The following GPR174 variants were observed in gnomAD, a reference collection of about 807,000 sequenced individuals.
The protein encoded by GPR174 is probable G protein-coupled receptor 174.
In GPR174, 8 loss-of-function variants were observed where a neutral mutation model predicts 16.5. The observed-to-expected ratio is 0.48, with a 90% CI of 0.28 to 0.87. The LOEUF is 0.87. Ranked by LOEUF, GPR174 falls within the 40% of genes least tolerant of loss-of-function variation. GPR174 has a pLI of 0.09. For missense variants in GPR174, 214 were observed against 247.5 expected (o/e 0.86, Z 0.91); for synonymous variants, 111 against 94.8 (o/e 1.17, Z -0.99).
At chrX:79,150,975 A>T (rs1926589972) in intron 1 of GPR174, among the ~76,000 whole-genome samples, 1 of 111,472 alleles carries the variant, frequency 9.0e-6, no homozygotes, top group East Asian at 2.8e-4. Context: ...CCATGAACTA[A>T]GGGTCAGCAT....
chrX:79,163,294 T>C (rs1239510642), intron 2 of GPR174, among the ~76,000 whole-genome samples: 1 of 111,892 alleles, frequency 8.9e-6, no homozygotes, highest in Non-Finnish European at 1.9e-5. Context: ...AAAGAGAAAA[T>C]ATGAATTTGT....
rs1162153982 is a variant in GPR174 at position 79,145,917 on chromosome X, T to G, written c.-654+700T>G. Among the ~76,000 whole-genome samples the G allele has an allele frequency of 3.6e-5, 4 of 111,790 alleles. No individual in the cohort carries two copies. The East Asian group carries it at 1.1e-3, about 31-fold the overall frequency. On this transcript the variant is annotated intron_variant, in intron 1 of 2. Coordinates refer to ENST00000645147, the MANE Select transcript of GPR174 (RefSeq NM_032553.3). ...TTTCATAGATAAGCTCTATTTACGA[T>G]AGTAAGTAATCAGCACATTAAAAAA...
At position 79,175,286 on chromosome X, in the gene GPR174, A is replaced by T. The variant is rs1053816305; in HGVS notation, c.*3277A>T. 3 of 112,200 alleles carry T rather than the reference A, an allele frequency of 2.7e-5. No individual in the cohort carries two copies. Among genetic ancestry groups the T allele is most frequent in the African/African-American group, 9.7e-5 (3 of 30,858 alleles). The allele number at this position is 112,200 out of a possible 1,213,427, so 9.2% of individuals were successfully genotyped here. ...GCTATAACTTATAATATTCATTTTA[A>T]TAATAAAGATTGTCTTTGTAATTAC... On this transcript the variant is annotated 3_prime_UTR_variant, in exon 3 of 3. Coordinates refer to ENST00000645147, the MANE Select transcript of GPR174 (RefSeq NM_032553.3).
At chrX:79,147,168 A>C (rs1926516770) in intron 1 of GPR174, among the ~76,000 whole-genome samples, 2 of 111,359 alleles carry the variant, frequency 1.8e-5, no homozygotes, top group South Asian at 7.5e-4. Context: ...CACATTGTGC[A>C]GTTGGAAAAA....
Position 79,173,211 on chromosome X carries a change from C to A in GPR174, c.*1202C>A, listed in dbSNP as rs763292799. The A allele has an allele frequency of 9.0e-6, 1 of 110,896 alleles. No homozygotes were observed. The highest frequency in any genetic ancestry group is 1.9e-5 in the Non-Finnish European group (1 of 52,967). 9.1% of individuals were successfully genotyped at this position (110,896 alleles called of 1,213,427 possible). On this transcript the variant is annotated 3_prime_UTR_variant, in exon 3 of 3. Coordinates refer to ENST00000645147, the MANE Select transcript of GPR174 (RefSeq NM_032553.3). The stretch of plus-strand genomic sequence containing the variant: ...TGGTCTAGCTTTGCCCCAGACATAC[C>A]ATTCTAAAGCCTACAAAGCCTAGCT...
At chrX:79,160,760 A>G (rs1189116017) in intron 2 of GPR174, among the ~76,000 whole-genome samples, 1 of 111,975 alleles carries the variant, frequency 8.9e-6, no homozygotes, top group Non-Finnish European at 1.9e-5. Context: ...ATTACGGAGA[A>G]GGTCAGACAA....
Position 79,174,117 on chromosome X carries a change from T to G in GPR174, c.*2108T>G, listed in dbSNP as rs1346280378. 1 of 110,518 alleles carries G rather than the reference T, an allele frequency of 9.0e-6. No individual in the cohort carries two copies. The highest frequency in any genetic ancestry group is 1.9e-5 in the Non-Finnish European group (1 of 52,899). 9.1% of individuals were successfully genotyped at this position (110,518 alleles called of 1,213,427 possible). A position where few individuals can be genotyped will look rare whatever the true frequency, so the allele number is the denominator to read the frequency against. ...TTCTTAAAGAGGAAGGGAAATATTT[T>G]CAGGAGATGTTTGACCTTCTTAGAT... On this transcript the variant is annotated 3_prime_UTR_variant, in exon 3 of 3. Transcript: ENST00000645147.
intron 2 of GPR174, among the ~76,000 whole-genome samples, chrX:79,167,597 G>T (rs1230766978): frequency 9.0e-6 from 1 of 110,905 alleles, no homozygotes; most frequent in African/African-American, 3.3e-5. Context: ...AATATGGAAT[G>T]ATCACAAATT....
chrX:79,162,597 T>C (rs924878783), intron 2 of GPR174, among the ~76,000 whole-genome samples: 1 of 112,346 alleles, frequency 8.9e-6, no homozygotes, highest in Non-Finnish European at 1.9e-5. Context: ...ATAATGATTC[T>C]GTAAACATAC....
At chrX:79,165,042 A>G (rs1389851926) in intron 2 of GPR174, among the ~76,000 whole-genome samples, 3 of 111,434 alleles carry the variant, frequency 2.7e-5, no homozygotes, top group Non-Finnish European at 5.7e-5. Context: ...TGCGCTTTTT[A>G]GAGTAATTAC....
At chrX:79,145,345 A>C (rs1429659221) in intron 1 of GPR174, 128 bp downstream of exon 1, 2 of 111,528 alleles carry the variant, frequency 1.8e-5, no homozygotes, top group Non-Finnish European at 3.8e-5. Context: ...GGATATAATG[A>C]ACTTGGACCA....
chrX:79,145,944 T>C (rs1926492284), intron 1 of GPR174, among the ~76,000 whole-genome samples: 1 of 111,797 alleles, frequency 8.9e-6, no homozygotes, highest in African/African-American at 3.2e-5. Flanking sequence ...ATTAAAAAAA[T>C]CAACAATGGT....
chrX:79,148,021 G>T (rs1477793154), intron 1 of GPR174, among the ~76,000 whole-genome samples: 1 of 111,953 alleles, frequency 8.9e-6, no homozygotes, highest in African/African-American at 3.3e-5. Context: ...CAAATAATCA[G>T]ATATGCAAGA....
chrX:79,166,117 C>G (rs1054058921), intron 2 of GPR174, among the ~76,000 whole-genome samples: 21 of 111,499 alleles, frequency 1.9e-4, no homozygotes, highest in Admixed American at 1.4e-3. Flanking sequence ...TAAAATGGAA[C>G]TTTGTAAAAT....
Position 79,171,631 on chromosome X carries a change from G to A in GPR174, c.624G>A (p.Thr208=), listed in dbSNP as rs769967194. ...LLIVLYCTWK[T]VLSLQDKYPM... is the part of the protein sequence containing the mutation. ...TTGTCCTATATTGTACCTGGAAGACGGTTTTATCACTGCAAGATAAATATC... is the reference window on the plus strand; with the variant it reads ...TTGTCCTATATTGTACCTGGAAGACAGTTTTATCACTGCAAGATAAATATC... The change falls in exon 3 of 3, where the codon ACG becomes ACA. Residue 208 remains threonine, a synonymous_variant. Coordinates refer to ENST00000645147, the MANE Select transcript of GPR174 (RefSeq NM_032553.3). 73 of 1,209,207 alleles carry A rather than the reference G, an allele frequency of 6.0e-5. No homozygotes were observed. Among genetic ancestry groups the A allele is most frequent in the East Asian group, 1.5e-4 (5 of 33,742 alleles).
At chrX:79,160,807 G>A (rs1269306850) in intron 2 of GPR174, among the ~76,000 whole-genome samples, 2 of 111,908 alleles carry the variant, frequency 1.8e-5, no homozygotes, top group Non-Finnish European at 3.8e-5. Context: ...AGTGAAGAGA[G>A]AAGGGAAGAA....
chrX:79,157,718 G>A (rs902268192), intron 2 of GPR174, among the ~76,000 whole-genome samples: 1 of 111,470 alleles, frequency 9.0e-6, no homozygotes, highest in African/African-American at 3.3e-5. Flanking sequence ...TTTGGAAGAT[G>A]CAGATTCAGA....
chrX:79,155,761 A>G (rs1259105571), intron 1 of GPR174, among the ~76,000 whole-genome samples: 2 of 112,233 alleles, frequency 1.8e-5, no homozygotes, highest in Non-Finnish European at 3.8e-5. Context: ...AGTCTCTTTC[A>G]AAGGATTCCT....
intron 1 of GPR174, among the ~76,000 whole-genome samples, chrX:79,145,914 C>T (rs756958830): frequency 9.0e-5 from 10 of 110,946 alleles, no homozygotes; most frequent in Admixed American, 2.9e-4. Context: ...GCTCTATTTA[C>T]GATAGTAAGT....
Sources: allele counts gnomAD v4.1 joint callset (sites outside exome capture counted in the v4.1 genomes callset), GRCh38; gene constraint gnomAD v4.1.1; transcripts MANE v1.5; gene names NCBI Gene and HGNC (gene_info 2026-07-23, HGNC 2026-07-21).